GRIK1: variants seen among roughly 807,000 people sequenced by gnomAD.
GRIK1 encodes the protein glutamate receptor ionotropic, kainate 1.
In GRIK1, 69 loss-of-function variants were observed where a neutral mutation model predicts 105.7. That is an observed-to-expected ratio of 0.65 (90% confidence interval 0.54 to 0.80). GRIK1 has a LOEUF of 0.80. GRIK1 is among the 30% of genes least tolerant of loss of function. The pLI is 0.00. For synonymous variants in GRIK1, 438 were observed against 431.3 expected (o/e 1.02, Z -0.19); for missense variants, 1,109 against 1,167.3 (o/e 0.95, Z 0.73).
chr21:29,875,811 T>A lies in GRIK1; in HGVS notation c.118+63572A>T, dbSNP rs891750874. Among the ~76,000 whole-genome samples, 3 of 152,214 alleles carry A rather than the reference T, an allele frequency of 2.0e-5. No homozygotes were observed. In the South Asian group the frequency reaches 6.2e-4, roughly 32 times the overall value. On this transcript the variant is annotated intron_variant, in intron 1 of 17. Coordinates refer to ENST00000327783, the MANE Select transcript of GRIK1 (RefSeq NM_001330994.2). ...GGAGTCTGGCTGACTCAAAAACTCATGCTTTAACTCCTAAAAACCTCCTCA... is the reference window on the plus strand; with the variant it reads ...GGAGTCTGGCTGACTCAAAAACTCAAGCTTTAACTCCTAAAAACCTCCTCA...
chr21:29,920,127 G>C (rs541734827), intron 1 of GRIK1, among the ~76,000 whole-genome samples: 4 of 151,514 alleles, frequency 2.6e-5, no homozygotes, highest in African/African-American at 9.8e-5. Flanking sequence ...TTTGCTCACA[G>C]TCTCTCAGGG....
chr21:29,925,440 A>G (rs968693148), intron 1 of GRIK1, among the ~76,000 whole-genome samples: 3 of 152,210 alleles, frequency 2.0e-5, no homozygotes, highest in Non-Finnish European at 4.4e-5. Context: ...ATGTATTTTT[A>G]TAAGCCTTTA....
chr21:29,753,860 A>G (rs2065269003), intron 1 of GRIK1, among the ~76,000 whole-genome samples: 1 of 152,166 alleles, frequency 6.6e-6, no homozygotes, highest in South Asian at 2.1e-4. Context: ...GTGCCCTTGT[A>G]TAATATATAT....
At chr21:29,736,311 A>G (rs1355328255) in intron 1 of GRIK1, among the ~76,000 whole-genome samples, 1 of 151,874 alleles carries the variant, frequency 6.6e-6, no homozygotes, top group African/African-American at 2.4e-5. Flanking sequence ...CCTCCACTCA[A>G]CTGGACTCAA....
intron 1 of GRIK1, among the ~76,000 whole-genome samples, chr21:29,834,753 T>G (rs2067735545): frequency 6.6e-6 from 1 of 150,916 alleles, no homozygotes; most frequent in Non-Finnish European, 1.5e-5. Flanking sequence ...GGCATTAGTA[T>G]TAATATTATT....
chr21:29,625,775 C>T (rs1371145733), intron 7 of GRIK1, among the ~76,000 whole-genome samples: 1 of 152,156 alleles, frequency 6.6e-6, no homozygotes, highest in African/African-American at 2.4e-5. Flanking sequence ...CCAGCACTTC[C>T]AGCACATAGT....
intron 8 of GRIK1, among the ~76,000 whole-genome samples, chr21:29,597,041 T>C (rs762520029): frequency 1.1e-4 from 16 of 151,982 alleles, no homozygotes; most frequent in Non-Finnish European, 2.1e-4. Context: ...TGATTATGGG[T>C]TTCTGGGCAG....
intron 8 of GRIK1, 42 bp from the exon 9 acceptor site, chr21:29,596,612 A>T (rs749052947): frequency 2.1e-6 from 3 of 1,424,176 alleles, no homozygotes; most frequent in Admixed American, 3.3e-5. Context: ...ACAGCACTTA[A>T]TTAAAATGGA....
chr21:29,678,229 G>A (rs971609681), intron 3 of GRIK1, among the ~76,000 whole-genome samples: 4 of 152,166 alleles, frequency 2.6e-5, no homozygotes, highest in African/African-American at 7.2e-5. Context: ...AAGGGGATCT[G>A]TGCATCCTCC....
intron 1 of GRIK1, among the ~76,000 whole-genome samples, chr21:29,844,489 C>A (rs2068064628): frequency 6.6e-6 from 1 of 152,184 alleles, no homozygotes; most frequent in Non-Finnish European, 1.5e-5. Flanking sequence ...GAAAGAGATG[C>A]TGAAGTGAAA....
chr21:29,803,377 T>C (rs187571272), intron 1 of GRIK1, among the ~76,000 whole-genome samples: 1 of 152,332 alleles, frequency 6.6e-6, no homozygotes, highest in East Asian at 1.9e-4. Flanking sequence ...TCAGCAATTA[T>C]ATGCACCACA....
At chr21:29,639,451 C>T (rs755367957) in intron 7 of GRIK1, among the ~76,000 whole-genome samples, 1 of 152,072 alleles carries the variant, frequency 6.6e-6, no homozygotes, top group Non-Finnish European at 1.5e-5. Flanking sequence ...TGAGTTGAGA[C>T]GTAAAGCATG....
intron 1 of GRIK1, among the ~76,000 whole-genome samples, chr21:29,895,714 C>A (rs994704116): frequency 6.6e-6 from 1 of 152,134 alleles, no homozygotes; most frequent in Non-Finnish European, 1.5e-5. Flanking sequence ...TTAATACATG[C>A]AGGACAGTAT....
At chr21:29,555,832 G>A (rs942684405) in intron 15 of GRIK1, among the ~76,000 whole-genome samples, 1 of 152,156 alleles carries the variant, frequency 6.6e-6, no homozygotes, top group Non-Finnish European at 1.5e-5. Context: ...AAGTCACACA[G>A]CCTTGGACTT....
intron 1 of GRIK1, among the ~76,000 whole-genome samples, chr21:29,733,265 C>T (rs1298947850): frequency 6.6e-6 from 1 of 152,040 alleles, no homozygotes; most frequent in Non-Finnish European, 1.5e-5. Flanking sequence ...GCTCTCAAAA[C>T]TCTATGTGTG....
At chr21:29,922,032 A>G (rs2071210423) in intron 1 of GRIK1, among the ~76,000 whole-genome samples, 1 of 152,136 alleles carries the variant, frequency 6.6e-6, no homozygotes, top group Non-Finnish European at 1.5e-5. Flanking sequence ...AGGATTAGCA[A>G]TTATCCCAAT....
At chr21:29,819,429 G>T (rs1446011714) in intron 1 of GRIK1, among the ~76,000 whole-genome samples, 2 of 151,912 alleles carry the variant, frequency 1.3e-5, no homozygotes, top group African/African-American at 4.8e-5. Context: ...AATCAGAAAG[G>T]ACAAATTCTA....
At chr21:29,906,641 C>T (rs1425255275) in intron 1 of GRIK1, among the ~76,000 whole-genome samples, 1 of 151,374 alleles carries the variant, frequency 6.6e-6, no homozygotes, top group African/African-American at 2.4e-5. Context: ...AGGCAACAAA[C>T]AGAAAAGAAG....
At chr21:29,695,629 C>A (rs936467956) in intron 1 of GRIK1, among the ~76,000 whole-genome samples, 3 of 152,096 alleles carry the variant, frequency 2.0e-5, no homozygotes, top group African/African-American at 7.2e-5. Flanking sequence ...CATGCACCAC[C>A]ATGACTGGCT....
Sources: allele counts gnomAD v4.1 joint callset (sites outside exome capture counted in the v4.1 genomes callset), GRCh38; gene constraint gnomAD v4.1.1; transcripts MANE v1.5; gene names NCBI Gene and HGNC (gene_info 2026-07-23, HGNC 2026-07-21).